CCSER1: variants seen among roughly 807,000 people sequenced by gnomAD.
CCSER1 encodes the protein coiled-coil serine rich protein 1.
In CCSER1, 41 loss-of-function variants were observed where a neutral mutation model predicts 82.0. The ratio of observed to expected loss-of-function variants is 0.50; its 90% CI spans 0.39 to 0.65. The LOEUF (loss-of-function observed/expected upper bound fraction) is 0.65. CCSER1 is among the 30% of genes least tolerant of loss of function. The probability of loss-of-function intolerance (pLI) is 0.00; values close to 1 mark genes in which losing one functional copy is unlikely to be tolerated. For missense variants in CCSER1, 1,119 were observed against 1,064.2 expected (o/e 1.05, Z -0.72); for synonymous variants, 414 against 383.9 (o/e 1.08, Z -0.92).
At chr4:90,763,931 A>C (rs1221000243) in intron 7 of CCSER1, among the ~76,000 whole-genome samples, 1 of 152,182 alleles carries the variant, frequency 6.6e-6, no homozygotes, top group Admixed American at 6.5e-5. Flanking sequence ...CCTCTGCATT[A>C]GCTTTTAAAA....
chr4:90,748,894 T>C (rs1677180258), intron 7 of CCSER1, among the ~76,000 whole-genome samples: 2 of 150,980 alleles, frequency 1.3e-5, no homozygotes, highest in Admixed American at 6.6e-5. Flanking sequence ...GTTTGTTTTT[T>C]TCTTGTAAAT....
intron 5 of CCSER1, among the ~76,000 whole-genome samples, chr4:90,612,136 A>C (rs1785589896): frequency 6.6e-6 from 1 of 152,138 alleles, no homozygotes; most frequent in Admixed American, 6.6e-5. Context: ...ATACCTTAAG[A>C]CTTAAAACAA....
chr4:90,271,862 A>ATATATATTTTTT (rs1553982816), intron 1 of CCSER1, among the ~76,000 whole-genome samples: 1 of 21,762 alleles, frequency 4.6e-5, no homozygotes, highest in Non-Finnish European at 7.1e-5. Context: ...ATATATATAT[A>ATATATATTTTTT]TTTTTTTTTT....
chr4:90,154,137 C>G (rs1024080905), intron 1 of CCSER1, among the ~76,000 whole-genome samples: 2 of 152,178 alleles, frequency 1.3e-5, no homozygotes, highest in African/African-American at 4.8e-5. Context: ...AATAGGGAAT[C>G]CTTTCCCCAT....
chr4:90,911,111 T>G lies in CCSER1; in HGVS notation c.2095-12259T>G, dbSNP rs185500694. ...TAGCAACGTGGAGAGAGCCAGCCTGTGTTCTTATTTAATTCCAATATCCAT... is the reference window on the plus strand; with the variant it reads ...TAGCAACGTGGAGAGAGCCAGCCTGGGTTCTTATTTAATTCCAATATCCAT... On this transcript the variant is annotated intron_variant, in intron 8 of 10. Coordinates refer to ENST00000509176, the MANE Select transcript of CCSER1 (RefSeq NM_001145065.2). The G allele has an allele frequency of 3.4e-5, 12 of 354,178 alleles. No individual in the cohort carries two copies. The East Asian group carries it at 8.8e-4, about 26-fold the overall frequency. The allele number at this position is 354,178 out of a possible 1,614,324, so 21.9% of individuals were successfully genotyped here.
intron 1 of CCSER1, among the ~76,000 whole-genome samples, chr4:90,148,718 A>C (rs1013623212): frequency 5.9e-5 from 9 of 152,178 alleles, no homozygotes; most frequent in African/African-American, 2.2e-4. Context: ...AAACCTGAGG[A>C]TTGGAAATCA....
At chr4:90,196,323 A>G (rs7694967) in intron 1 of CCSER1, among the ~76,000 whole-genome samples, 84,744 of 151,212 alleles carry the variant, frequency 0.56, 24,288 homozygotes, top group African/African-American at 0.68. Flanking sequence ...TAGAGTCTGT[A>G]ACGTACTGTC....
At chr4:90,880,064 T>C (rs965542447) in intron 8 of CCSER1, among the ~76,000 whole-genome samples, 1 of 152,182 alleles carries the variant, frequency 6.6e-6, no homozygotes, top group Non-Finnish European at 1.5e-5. Flanking sequence ...GGTCAGCTGG[T>C]AGACTCTTGT....
intron 7 of CCSER1, among the ~76,000 whole-genome samples, chr4:90,736,818 G>A (rs940130405): frequency 2.8e-4 from 42 of 151,644 alleles, no homozygotes; most frequent in African/African-American, 9.7e-4. Context: ...TTTCTCTGGT[G>A]GTATGTTCTG....
chr4:90,209,926 T>C (rs901818107), intron 1 of CCSER1, among the ~76,000 whole-genome samples: 25 of 152,280 alleles, frequency 1.6e-4, no homozygotes, highest in Admixed American at 3.3e-4. Flanking sequence ...TGTTTTGGTT[T>C]GGTTTGGTTT....
chr4:90,561,212 G>T (rs550001620), intron 5 of CCSER1, among the ~76,000 whole-genome samples: 1 of 152,082 alleles, frequency 6.6e-6, no homozygotes, highest in Non-Finnish European at 1.5e-5. Flanking sequence ...TCTATCTCCT[G>T]CCTCAACACC....
At chr4:90,589,750 G>A (rs528512952) in intron 5 of CCSER1, among the ~76,000 whole-genome samples, 1 of 152,044 alleles carries the variant, frequency 6.6e-6, no homozygotes, top group East Asian at 1.9e-4. Flanking sequence ...GTTTACTTTT[G>A]CAGAAGGTGC....
chr4:91,075,397 A>G lies in CCSER1; in HGVS notation c.2173-10553A>G, dbSNP rs547691333. 6.6e-5 allele frequency among the ~76,000 whole-genome samples: 10 copies of G among 152,232 alleles called. No homozygotes were observed. The South Asian group carries it at 2.1e-3, about 32-fold the overall frequency. On this transcript the variant is annotated intron_variant, in intron 9 of 10. Coordinates refer to ENST00000509176, the MANE Select transcript of CCSER1 (RefSeq NM_001145065.2). ...TGAGGGAAATGAATTTTTTCCAACC[A>G]CATCCCCCAGAGTATTTTTAAATAT... is the stretch of plus-strand genomic sequence containing the variant.
chr4:90,491,464 A>T (rs1278509776), intron 5 of CCSER1, among the ~76,000 whole-genome samples: 1 of 152,184 alleles, frequency 6.6e-6, no homozygotes, highest in Non-Finnish European at 1.5e-5. Context: ...GTCTGCAAAC[A>T]GGGACAATTT....
intron 10 of CCSER1, among the ~76,000 whole-genome samples, chr4:91,102,966 GA>G (rs1353388354): frequency 6.6e-6 from 1 of 152,092 alleles, no homozygotes; most frequent in Admixed American, 6.6e-5. Context: ...ATCATAGTAA[GA>G]TTTTTTTTCT....
chr4:90,711,409 A>G (rs1484924954), intron 6 of CCSER1, among the ~76,000 whole-genome samples: 1 of 152,080 alleles, frequency 6.6e-6, no homozygotes, highest in Non-Finnish European at 1.5e-5. Flanking sequence ...GTCTTGTGCC[A>G]GTTTTCAAGA....
At chr4:91,480,937 G>A (rs1282458392) in intron 10 of CCSER1, among the ~76,000 whole-genome samples, 1 of 152,028 alleles carries the variant, frequency 6.6e-6, no homozygotes, top group African/African-American at 2.4e-5. Flanking sequence ...TTTTTCTTAG[G>A]TTGTGTGTGT....
chr4:91,395,508 T>C (rs17018441), intron 10 of CCSER1, among the ~76,000 whole-genome samples: 4,751 of 152,110 alleles, frequency 0.031, 230 homozygotes, highest in African/African-American at 0.11. Flanking sequence ...GACTGAGGTG[T>C]GTCTGAGGAG....
At chr4:90,712,597 A>G (rs1021827017) in intron 6 of CCSER1, among the ~76,000 whole-genome samples, 3 of 152,018 alleles carry the variant, frequency 2.0e-5, no homozygotes, top group African/African-American at 7.2e-5. Flanking sequence ...TGACAATGAG[A>G]AGAATGTATA....
Sources: gnomAD v4.1 joint callset for allele counts (sites outside exome capture counted in the v4.1 genomes callset) on GRCh38, gnomAD v4.1.1 for gene constraint, MANE v1.5 for transcripts, NCBI Gene and HGNC (gene_info 2026-07-23, HGNC 2026-07-21) for gene names.